Variants in PLCB2 observed in about 807,000 individuals in gnomAD.
PLCB2 encodes 1-phosphatidylinositol 4,5-bisphosphate phosphodiesterase beta-2.
Under a neutral mutation model 141.7 loss-of-function variants are expected in PLCB2, and 115 were observed. That is an observed-to-expected ratio of 0.81 (90% CI 0.70 to 0.95). The LOEUF (loss-of-function observed/expected upper bound fraction) is 0.95. Ranked by LOEUF, PLCB2 falls within the 40% of genes least tolerant of loss-of-function variation. The pLI, the probability that PLCB2 is intolerant of heterozygous loss-of-function variation, is 0.00. For missense variants in PLCB2, 1,403 were observed against 1,541.1 expected (o/e 0.91, Z 1.50); for synonymous variants, 603 against 595.6 (o/e 1.01, Z -0.18).
At chr15:40,304,649 G>T (rs964705858) in intron 1 of PLCB2, among the ~76,000 whole-genome samples, 6 of 152,086 alleles carry the variant, frequency 3.9e-5, no homozygotes, top group African/African-American at 1.2e-4. Context: ...TAACCGGGGG[G>T]ATGTGAGTCA....
At chr15:40,290,517 AG>A in intron 29 of PLCB2, 59 bp downstream of exon 29, 3 of 1,105,592 alleles carry the variant, frequency 2.7e-6, no homozygotes, top group Non-Finnish European at 4.1e-6. Flanking sequence ...ATTTGTAGAG[AG>A]GCCCCTTTCC....
intron 24 of PLCB2, 54 bp downstream of exon 24, chr15:40,291,795 T>A (rs765269389): frequency 1.2e-6 from 2 of 1,612,788 alleles, no homozygotes; most frequent in East Asian, 2.2e-5. Flanking sequence ...GGGAAGTGCC[T>A]GTGGGTGCAG....
intron 19 of PLCB2, among the ~76,000 whole-genome samples, chr15:40,293,974 C>A (rs943860784): frequency 6.6e-6 from 1 of 152,200 alleles, no homozygotes; most frequent in Non-Finnish European, 1.5e-5. Flanking sequence ...AAAGAGGGAA[C>A]AATGCCTTCC....
At position 40,291,464 on chromosome 15, in the gene PLCB2, C is replaced by T. The variant is rs2039919706; in HGVS notation, c.2671G>A (p.Glu891Lys). 1.3e-6 allele frequency: 2 copies of T among 1,566,696 alleles called. No individual in the cohort carries two copies. The highest frequency in any genetic ancestry group is 2.4e-5 in the East Asian group (1 of 42,540). The change falls in exon 26 of 32, where the codon GAG becomes AAG. Residue 891 changes from glutamate (E) to lysine (K), a missense_variant. Physicochemically the swap from Glu to Lys is moderately conservative, Grantham distance 56. Around this residue, in one of 4 missense-constraint regions of PLCB2, gnomAD observed 290 missense variants for 245.9 expected, o/e 1.18. Coordinates refer to ENST00000260402, the MANE Select transcript of PLCB2 (RefSeq NM_004573.3). ...ACCACGCCCTTTAGCTCCCGGAGCTCCTCCAGGCTGGCGGTCCGCGGCTCT... is the reference window on the plus strand; with the variant it reads ...ACCACGCCCTTTAGCTCCCGGAGCTTCTCCAGGCTGGCGGTCCGCGGCTCT... ...AAEPRTASLE[E>K]LRELKGVVKL...
Position 40,295,262 on chromosome 15 carries a change from A to G in PLCB2, c.1720T>C (p.Ser574Pro). The G allele has an allele frequency of 6.2e-7, 1 of 1,613,658 alleles. No homozygotes were observed. The highest frequency in any genetic ancestry group is 8.5e-7 in the Non-Finnish European group (1 of 1,179,554). The change falls in exon 17 of 32, where the codon TCG (serine) becomes CCG (proline). Residue 574 changes from serine (S) to proline (P), a missense_variant. By Grantham distance (74) the Ser-to-Pro change is moderately conservative. Transcript: ENST00000260402. ...SAQKNRSYVI[S>P]SFTELKAYDL... Reference sequence around the variant, plus strand: ...TATGCCTTGAGCTCTGTGAAGGACGAGATGACATAACTTCGGTTCTTTTCT... The same window carrying G: ...TATGCCTTGAGCTCTGTGAAGGACGGGATGACATAACTTCGGTTCTTTTCT...
intron 7 of PLCB2, chr15:40,301,207 T>G: frequency 9.5e-6 from 2 of 210,038 alleles, no homozygotes; most frequent in South Asian, 1.8e-4. Flanking sequence ...TCAATGGGGG[T>G]CGTGGTTTTA....
intron 9 of PLCB2, 43 bp from the exon 10 acceptor site, chr15:40,298,751 A>C: frequency 6.2e-7 from 1 of 1,611,874 alleles, no homozygotes; most frequent in Non-Finnish European, 8.5e-7. Context: ...CCCCGCTGCC[A>C]AGGCAGGACA....
In PLCB2 at chr15:40,289,962, A is replaced by AGT. The variant is rs1332280707; in HGVS notation, c.3267+62_3267+63insAC. 43 of 618,366 alleles carry AGT rather than the reference A, an allele frequency of 7.0e-5. No individual in the cohort carries two copies. In the African/African-American group the frequency reaches 1.1e-3, roughly 16 times the overall value. 38.3% of individuals were successfully genotyped at this position (618,366 alleles called of 1,614,324 possible). ...GAGAGAGAGAGAGAGAGAGAGAGAG[A>AGT]GAGAGAGTGTGTGTGTGTGTGTGTG... On this transcript the variant is annotated intron_variant, in intron 30 of 31. Coordinates refer to ENST00000260402, the MANE Select transcript of PLCB2 (RefSeq NM_004573.3).
downstream of PLCB2, chr15:40,286,207 CAG>C (rs561072973): frequency 3.6e-4 from 67 of 186,180 alleles, 1 homozygote; most frequent in East Asian, 0.012. Context: ...CCCAGGCAGG[CAG>C]GGGGCAGGCA....
Position 40,291,312 on chromosome 15 carries a change from G to T in PLCB2, c.2823C>A (p.Gly941=). 1 of 1,543,122 alleles carries T rather than the reference G, an allele frequency of 6.5e-7. No individual in the cohort carries two copies. Among genetic ancestry groups the T allele is most frequent in the Non-Finnish European group, 8.7e-7 (1 of 1,153,080 alleles). ...CGGGACCGAGCTTGCAGGCCCCGAC[G>T]CCCCCCACGCCCGGTGGCCCGAGCT... ...LAELGPPGVG[G]VGACKLGPGK... is the part of the protein sequence containing the mutation. The change falls in exon 26 of 32, where the codon GGC becomes GGA. Residue 941 remains glycine, a synonymous_variant. Transcript: ENST00000260402.
chr15:40,296,858 G>A lies in PLCB2; in HGVS notation c.1374C>T (p.Ile458=). Reference sequence around the variant, plus strand: ...ACTGGTTCTTCTTGTTCTTGATGAGGATCTTGCCCCTGAGATCCTCAGGGC... The same window carrying A: ...ACTGGTTCTTCTTGTTCTTGATGAGAATCTTGCCCCTGAGATCCTCAGGGC... ...LPSPEDLRGK[I]LIKNKKNQFS... Residue 458 remains isoleucine, a synonymous_variant, in exon 14 of 32, where the codon ATC becomes ATT. Transcript: ENST00000260402. 6 of 1,614,118 alleles carry A rather than the reference G, an allele frequency of 3.7e-6. No individual in the cohort carries two copies. The highest frequency in any genetic ancestry group is 5.1e-6 in the Non-Finnish European group (6 of 1,180,010).
rs1363316317 is a variant in PLCB2, at chr15:40,291,844, C to T, written c.2602+5G>A. ...CCCAGTAGGTGTGCGGACCGAAGCT[C>T]ATACCTGGTGACCCATTGCTCGTTG... On this transcript the variant is annotated splice_donor_5th_base_variant and intron_variant, in intron 24 of 31. Coordinates refer to ENST00000260402, the MANE Select transcript of PLCB2 (RefSeq NM_004573.3). 1.2e-6 allele frequency: 2 copies of T among 1,614,018 alleles called. No individual in the cohort carries two copies. Among genetic ancestry groups the T allele is most frequent in the African/African-American group, 1.3e-5 (1 of 74,936 alleles).
intron 19 of PLCB2, 87 bp downstream of exon 19, chr15:40,294,179 G>C (rs1226734953): frequency 2.3e-6 from 3 of 1,300,394 alleles, no homozygotes; most frequent in Non-Finnish European, 3.3e-6. Context: ...CAGGGGAGGG[G>C]GTTGCGAGTT....
Position 40,288,891 on chromosome 15 carries a change from C to T in PLCB2, c.3382G>A (p.Glu1128Lys), listed in dbSNP as rs779144751. Residue 1128 changes from glutamate to lysine, a missense_variant, in exon 32 of 32, where the codon GAG becomes AAG. Physicochemically the swap from Glu to Lys is moderately conservative, Grantham distance 56. Around this residue, in one of 4 missense-constraint regions of PLCB2, gnomAD observed 132 missense variants for 132.4 expected, o/e 1.00. Transcript: ENST00000260402. Reference sequence around the variant, plus strand: ...GCCTCCAGACCCTTCATCCTGGCCTCGTACTCTGCCAGCGCCTCCTTCTGG... The same window carrying T: ...GCCTCCAGACCCTTCATCCTGGCCTTGTACTCTGCCAGCGCCTCCTTCTGG... ...QFQKEALAEYEARMKGLEAEV... is the reference protein window; with the variant it reads ...QFQKEALAEYKARMKGLEAEV... 6.3e-5 allele frequency: 101 copies of T among 1,613,540 alleles called. 1 individual carries two copies. Among genetic ancestry groups the T allele is most frequent in the South Asian group, 2.2e-5 (2 of 91,084 alleles).
chr15:40,296,689 C>A (rs1595660656), intron 14 of PLCB2, 55 bp from the exon 15 acceptor site: 1 of 1,610,474 alleles, frequency 6.2e-7, no homozygotes, highest in South Asian at 1.1e-5. Context: ...CCAGGTCCAG[C>A]CCCTCTCCTG....
At chr15:40,292,782 C>A in intron 21 of PLCB2, 144 bp downstream of exon 21, 1 of 582,736 alleles carries the variant, frequency 1.7e-6, no homozygotes. Context: ...TCTTAGGTTC[C>A]TGGAGAGGTA....
chr15:40,291,696 T>G, intron 24 of PLCB2, 46 bp from the exon 25 acceptor site: 1 of 1,608,586 alleles, frequency 6.2e-7, no homozygotes, highest in South Asian at 1.1e-5. Context: ...GGGGGGCCCC[T>G]TGGCTCCGTT....
Position 40,296,289 on chromosome 15 carries a change from A to G in PLCB2, c.1696+7T>C. The stretch of plus-strand genomic sequence containing the variant: ...TACCCACCCGTAAGTTACTCATGCT[A>G]ACTTACGGGCAGAGAACTCAAAGGA... On this transcript the variant is annotated splice_region_variant and intron_variant, in intron 16 of 31. Transcript: ENST00000260402. 6.2e-7 allele frequency: 1 copy of G among 1,608,790 alleles called. No individual in the cohort carries two copies. The highest frequency in any genetic ancestry group is 8.5e-7 in the Non-Finnish European group (1 of 1,176,316).
rs28395843 is a variant in PLCB2 at position 40,297,763 on chromosome 15, C to T, written c.1238+114G>A. ...AGGCCTTAGGGTGATTATACTGAGACGTGGGAGAAGCTGTAGGCAATGGTT... is the reference window on the plus strand; with the variant it reads ...AGGCCTTAGGGTGATTATACTGAGATGTGGGAGAAGCTGTAGGCAATGGTT... On this transcript the variant is annotated intron_variant, in intron 12 of 31. Transcript: ENST00000260402. This position sits in a 1 kb window ranked among gnomAD's most constrained non-coding sequence, Gnocchi z 4.2. The T allele has an allele frequency of 0.011, 10,871 of 968,308 alleles. 682 individuals carry two copies. In the African/African-American group the frequency reaches 0.14, roughly 13 times the overall value. The allele number at this position is 968,308 out of a possible 1,614,324, so 60.0% of individuals were successfully genotyped here. A position where few individuals can be genotyped will look rare whatever the true frequency, so the allele number is the denominator to read the frequency against.
Sources: allele counts gnomAD v4.1 joint callset (sites outside exome capture counted in the v4.1 genomes callset), GRCh38; gene constraint gnomAD v4.1.1; regional missense constraint gnomAD v4.1.1; non-coding constraint Gnocchi (gnomAD v3.1); transcripts MANE v1.5; gene names NCBI Gene and HGNC (gene_info 2026-07-23, HGNC 2026-07-21).